The following CTIF variants were observed in gnomAD, a reference collection of about 807,000 sequenced individuals.
CTIF encodes the protein cap binding complex dependent translation initiation factor, also known as CBP80/20-dependent translation initiation factor.
In CTIF, 21 loss-of-function variants were observed where a neutral mutation model predicts 66.0. The observed-to-expected ratio is 0.32, with a 90% confidence interval of 0.23 to 0.46. The LOEUF (loss-of-function observed/expected upper bound fraction) is 0.46. Ranked by LOEUF, CTIF falls within the 20% of genes least tolerant of loss-of-function variation. The pLI, the probability that CTIF is intolerant of heterozygous loss-of-function variation, is 1.00. For missense variants in CTIF, 739 were observed against 812.7 expected, an observed-to-expected ratio of 0.91 and a Z score of 1.10; for synonymous variants, 345 against 326.4, an observed-to-expected ratio of 1.06 and a Z score of -0.62.
intron 9 of CTIF, among the ~76,000 whole-genome samples, chr18:48,811,379 C>T (rs191997970): frequency 6.6e-6 from 1 of 152,214 alleles, no homozygotes; most frequent in East Asian, 1.9e-4. Context: ...CCATAACATG[C>T]ATTCGGAAAG....
intron 10 of CTIF, among the ~76,000 whole-genome samples, chr18:48,827,116 T>C (rs1002920209): frequency 1.3e-5 from 2 of 152,106 alleles, no homozygotes; most frequent in African/African-American, 4.8e-5. Context: ...CAGCTCCGGC[T>C]CTCACCAGAG....
intron 3 of CTIF, among the ~76,000 whole-genome samples, chr18:48,659,022 G>A (rs2091293644): frequency 6.6e-6 from 1 of 152,184 alleles, no homozygotes; most frequent in Non-Finnish European, 1.5e-5. Flanking sequence ...CTCTGCAGGT[G>A]AGACTCTTCC....
chr18:48,547,011 G>A (rs1178026737), intron 1 of CTIF, among the ~76,000 whole-genome samples: 1 of 152,186 alleles, frequency 6.6e-6, no homozygotes, highest in Non-Finnish European at 1.5e-5. Context: ...GGGCATCAGG[G>A]GCCTGGGGAG....
At chr18:48,623,560 G>A (rs2090536986) in intron 2 of CTIF, among the ~76,000 whole-genome samples, 2 of 148,430 alleles carry the variant, frequency 1.3e-5, no homozygotes, top group African/African-American at 4.9e-5. Context: ...TTAATCTGAT[G>A]ACTAGTTTAA....
chr18:48,767,026 G>C (rs1909632318), intron 9 of CTIF, among the ~76,000 whole-genome samples: 1 of 152,224 alleles, frequency 6.6e-6, no homozygotes, highest in South Asian at 2.1e-4. Flanking sequence ...ACCAGAGGCT[G>C]GGCCACACTT....
intron 6 of CTIF, among the ~76,000 whole-genome samples, chr18:48,676,236 C>T (rs978331341): frequency 4.6e-5 from 7 of 152,226 alleles, no homozygotes; most frequent in Admixed American, 1.3e-4. Context: ...CCTTATATCA[C>T]ACAGTGGCCT....
intron 6 of CTIF, among the ~76,000 whole-genome samples, chr18:48,701,657 A>G (rs577548547): frequency 6.6e-4 from 101 of 152,350 alleles, no homozygotes; most frequent in African/African-American, 2.4e-3. Context: ...TTTACCCTCT[A>G]TAATGTAGAA....
At chr18:48,593,781 G>A (rs1436188232) in intron 1 of CTIF, among the ~76,000 whole-genome samples, 1 of 151,244 alleles carries the variant, frequency 6.6e-6, no homozygotes, top group African/African-American at 2.4e-5. Flanking sequence ...CTTATTTATA[G>A]ATATAGGAAT....
chr18:48,798,808 A>G (rs747530554), intron 9 of CTIF, among the ~76,000 whole-genome samples: 3 of 152,184 alleles, frequency 2.0e-5, no homozygotes, highest in Non-Finnish European at 4.4e-5. Flanking sequence ...GACACTTGGC[A>G]ACGTCTGGAG....
intron 7 of CTIF, among the ~76,000 whole-genome samples, chr18:48,745,776 TA>T (rs1216264213): frequency 3.3e-5 from 5 of 152,202 alleles, no homozygotes; most frequent in Non-Finnish European, 7.3e-5. Flanking sequence ...ACAAAGAAAC[TA>T]TCTGCTGGGG....
At chr18:48,593,786 A>C (rs1242923366) in intron 1 of CTIF, among the ~76,000 whole-genome samples, 1 of 151,582 alleles carries the variant, frequency 6.6e-6, no homozygotes, top group Non-Finnish European at 1.5e-5. Context: ...TTATAGATAT[A>C]GGAATGAGGC....
intron 10 of CTIF, among the ~76,000 whole-genome samples, chr18:48,836,215 G>C (rs920296363): frequency 1.3e-5 from 2 of 152,080 alleles, no homozygotes; most frequent in African/African-American, 4.8e-5. Context: ...CAAAGTCAGA[G>C]TTAAAAAGTA....
At chr18:48,631,394 AG>A (rs111355843) in intron 2 of CTIF, among the ~76,000 whole-genome samples, 5,265 of 152,332 alleles carry the variant, frequency 0.035, 271 homozygotes, top group African/African-American at 0.12. Context: ...TGAGCCCCAG[AG>A]GGGAAGGTTG....
intron 3 of CTIF, among the ~76,000 whole-genome samples, chr18:48,638,818 C>G (rs1037804772): frequency 6.6e-6 from 1 of 152,240 alleles, no homozygotes; most frequent in Non-Finnish European, 1.5e-5. Flanking sequence ...GGAACTGAGA[C>G]GTAGCTTCAT....
At chr18:48,807,862 G>A (rs779536908) in intron 9 of CTIF, among the ~76,000 whole-genome samples, 5 of 152,200 alleles carry the variant, frequency 3.3e-5, no homozygotes, top group Admixed American at 2.0e-4. Context: ...GATTACAGAC[G>A]TGAGCTACTG....
chr18:48,791,780 C>G (rs967927536), intron 9 of CTIF, among the ~76,000 whole-genome samples: 13 of 152,236 alleles, frequency 8.5e-5, no homozygotes, highest in Non-Finnish European at 1.8e-4. Flanking sequence ...ATCTCTCTCT[C>G]TCTGTAGCCT....
intron 9 of CTIF, among the ~76,000 whole-genome samples, chr18:48,790,759 C>G (rs1302052639): frequency 2.6e-5 from 4 of 152,208 alleles, no homozygotes; most frequent in African/African-American, 9.7e-5. Context: ...CAGACCCCGC[C>G]CGGCTGGAGC....
At chr18:48,570,496 A>G (rs1164581089) in intron 1 of CTIF, among the ~76,000 whole-genome samples, 1 of 152,218 alleles carries the variant, frequency 6.6e-6, no homozygotes, top group Non-Finnish European at 1.5e-5. Flanking sequence ...CCCTGGCGTG[A>G]CGCACAGGCT....
rs1442819974 is a variant in CTIF at position 48,654,379 on chromosome 18, A to G, written c.253-9373A>G. 2.0e-5 allele frequency among the ~76,000 whole-genome samples: 3 copies of G among 152,374 alleles called. No homozygotes were observed. The East Asian group carries it at 5.8e-4, about 29-fold the overall frequency. On this transcript the variant is annotated intron_variant, in intron 3 of 11. Transcript: ENST00000256413. ...CCAAAAGACACATGAAAAAATGCTC[A>G]TCATCACTGGCCATCAGAGAAATGC...
Sources: allele counts gnomAD v4.1 joint callset (sites outside exome capture counted in the v4.1 genomes callset), GRCh38; gene constraint gnomAD v4.1.1; transcripts MANE v1.5; gene names NCBI Gene and HGNC (gene_info 2026-07-23, HGNC 2026-07-21).